NEMF: variants seen among roughly 807,000 people sequenced by gnomAD.
The protein encoded by NEMF is ribosome quality control complex subunit NEMF.
A neutral mutation model predicts 162.2 loss-of-function variants in NEMF; 89 were observed. The observed-to-expected ratio is 0.55, with a 90% confidence interval of 0.46 to 0.65. The LOEUF (loss-of-function observed/expected upper bound fraction) is 0.65, where lower values mean the gene tolerates loss of function less well. NEMF is among the 30% of genes least tolerant of loss of function. The pLI is 0.00. For synonymous variants in NEMF, 421 were observed against 404.5 expected (o/e 1.04, Z -0.49); for missense variants, 1,133 against 1,261.9 (o/e 0.90, Z 1.55).
rs780290298 is a variant in NEMF, at chr14:49,784,854, TAAC to T, written c.3153+68_3153+70del. The T allele has an allele frequency of 8.9e-6, 13 of 1,459,586 alleles. No individual in the cohort carries two copies. The South Asian group carries it at 1.2e-4, about 13-fold the overall frequency. The allele number at this position is 1,459,586 out of a possible 1,614,324, so 90.4% of individuals were successfully genotyped here. ...AATAAGACAGCATTTTCTACTAAAA[TAAC>T]AAAAAACTGCTAACATTTTAAATTG... On this transcript the variant is annotated intron_variant, in intron 32 of 32. Coordinates refer to ENST00000298310, the MANE Select transcript of NEMF (RefSeq NM_004713.6).
At chr14:49,815,874 G>C (rs1161087036) in intron 16 of NEMF, among the ~76,000 whole-genome samples, 4 of 152,134 alleles carry the variant, frequency 2.6e-5, no homozygotes, top group African/African-American at 9.7e-5. Context: ...TAAGGCAAAA[G>C]AATGGGGTGA....
At chr14:49,808,825 T>C (rs546373649) in intron 18 of NEMF, among the ~76,000 whole-genome samples, 1 of 151,896 alleles carries the variant, frequency 6.6e-6, no homozygotes, top group Admixed American at 6.6e-5. Context: ...CTCTTAGAAC[T>C]CAACAGTAAA....
intron 23 of NEMF, among the ~76,000 whole-genome samples, chr14:49,800,166 T>C (rs1004245135): frequency 1.3e-5 from 2 of 152,192 alleles, no homozygotes; most frequent in Admixed American, 1.3e-4. Context: ...GGAATTGCCT[T>C]TGTTATGTTT....
Position 49,829,159 on chromosome 14 carries a change from G to A in NEMF, c.1127C>T (p.Thr376Ile), listed in dbSNP as rs576948878. Residue 376 changes from threonine (T) to isoleucine (I), a missense_variant, in exon 13 of 33, where the codon ACA (threonine) becomes ATA (isoleucine). By Grantham distance (89) the Thr-to-Ile change is moderately conservative. Transcript: ENST00000298310. ...RSALANQIDWTEIGLIVKEAQ... is the reference protein window; with the variant it reads ...RSALANQIDWIEIGLIVKEAQ... ...TTCTTTCACAATTAACCCAATTTCT[G>A]TCCAATCTATCTGGTTAGCTAAAGC... The A allele has an allele frequency of 4.1e-5, 66 of 1,614,096 alleles. No homozygotes were observed. The South Asian group carries it at 6.9e-4, about 17-fold the overall frequency.
At chr14:49,789,062 T>G (rs1449150109) in intron 28 of NEMF, 84 bp downstream of exon 28, 1 of 1,046,980 alleles carries the variant, frequency 9.6e-7, no homozygotes, top group Non-Finnish European at 1.5e-6. Context: ...GTCTTGGTTT[T>G]AGCACTGAAA....
chr14:49,806,252 ATATATTTTTTTT>A lies in NEMF; in HGVS notation c.1745-131_1745-120del, dbSNP rs1259633045. The A allele has an allele frequency of 6.6e-4, 11 of 16,742 alleles. No homozygotes were observed. The East Asian group carries it at 7.9e-3, about 12-fold the overall frequency. The allele number at this position is 16,742 out of a possible 1,614,324, so 1.0% of individuals were successfully genotyped here. On this transcript the variant is annotated intron_variant, in intron 18 of 32. Transcript: ENST00000298310. ...TATGTGTATATATATATATATATAT[ATATATTTTTTTT>A]TTTTTTTTTTTTTTTGAGATGGAGT... is the stretch of plus-strand genomic sequence containing the variant.
At chr14:49,785,057 TTAAAATCA>T in intron 31 of NEMF, 27 bp downstream of exon 31, 4 of 1,606,838 alleles carry the variant, frequency 2.5e-6, no homozygotes, top group Non-Finnish European at 3.4e-6. Flanking sequence ...ACTGAACTGT[TTAAAATCA>T]TAATTCAAAA....
At chr14:49,830,309 C>G (rs1182537418) in intron 11 of NEMF, among the ~76,000 whole-genome samples, 1 of 152,206 alleles carries the variant, frequency 6.6e-6, no homozygotes, top group Non-Finnish European at 1.5e-5. Flanking sequence ...TATAATTCAT[C>G]TGACTGGCCT....
intron 10 of NEMF, 85 bp from the exon 11 acceptor site, chr14:49,831,446 C>A (rs7492655): frequency 3.1e-6 from 2 of 640,642 alleles, no homozygotes; most frequent in African/African-American, 4.0e-5. Context: ...TTTTTTTTTT[C>A]TTTTTTTTTG....
intron 25 of NEMF, among the ~76,000 whole-genome samples, chr14:49,796,628 G>A (rs1308912708): frequency 2.0e-5 from 3 of 152,202 alleles, no homozygotes; most frequent in Non-Finnish European, 2.9e-5. Flanking sequence ...TGGGATTATA[G>A]GCGTGAGCCA....
rs77449098 is a variant in NEMF, at chr14:49,784,750, G to A, written c.3154-37C>T. ...AAATTGCTGAATATCTTCACATCCT[G>A]TATGGTCAATCATGTTTCTTTTATG... On this transcript the variant is annotated intron_variant, in intron 32 of 32. Coordinates refer to ENST00000298310, the MANE Select transcript of NEMF (RefSeq NM_004713.6). 75 of 1,541,564 alleles carry A rather than the reference G, an allele frequency of 4.9e-5. No individual in the cohort carries two copies. In the East Asian group the frequency reaches 7.4e-4, roughly 15 times the overall value.
rs570861365 is a variant in NEMF at position 49,792,711 on chromosome 14, G to A, written c.2619+3080C>T. ...AATAATACAATAGTCTGGGCATGGTGGCTTATGCCTGTTAATTTTAGCACT... is the reference window on the plus strand; with the variant it reads ...AATAATACAATAGTCTGGGCATGGTAGCTTATGCCTGTTAATTTTAGCACT... On this transcript the variant is annotated intron_variant, in intron 26 of 32. Coordinates refer to ENST00000298310, the MANE Select transcript of NEMF (RefSeq NM_004713.6). 2.0e-5 allele frequency among the ~76,000 whole-genome samples: 3 copies of A among 152,302 alleles called. No individual in the cohort carries two copies. The South Asian group carries it at 6.2e-4, about 32-fold the overall frequency.
At chr14:49,830,187 A>T (rs1272144886) in intron 11 of NEMF, among the ~76,000 whole-genome samples, 1 of 152,218 alleles carries the variant, frequency 6.6e-6, no homozygotes, top group East Asian at 1.9e-4. Flanking sequence ...ATGACTATTA[A>T]AACCCACAAA....
At chr14:49,834,579 C>T in intron 6 of NEMF, 130 bp from the exon 7 acceptor site, 1 of 576,212 alleles carries the variant, frequency 1.7e-6, no homozygotes. Context: ...ACTGCAACCT[C>T]TGCCTCCCAC....
chr14:49,819,392 CATATAT>C (rs10596408), intron 16 of NEMF, among the ~76,000 whole-genome samples: 13,932 of 147,090 alleles, frequency 0.095, 1,192 homozygotes, highest in African/African-American at 0.24. Flanking sequence ...TATTATAGAC[CATATAT>C]ATATATATAT....
intron 8 of NEMF, 63 bp downstream of exon 8, chr14:49,833,360 A>C (rs984155473): frequency 2.1e-6 from 2 of 954,722 alleles, no homozygotes; most frequent in Non-Finnish European, 3.2e-6. Context: ...CCTTTAATGA[A>C]CGTTTAATTT....
chr14:49,848,394 T>C (rs564169680), intron 3 of NEMF, among the ~76,000 whole-genome samples: 2 of 152,336 alleles, frequency 1.3e-5, no homozygotes, highest in African/African-American at 4.8e-5. Flanking sequence ...TTAGATTACA[T>C]GTACCGTCTT....
Position 49,802,557 on chromosome 14 carries a change from A to T in NEMF, c.1991T>A (p.Val664Asp). ...SFLFKVDESC[V>D]WRHQGERKVR... ...TTTTCGTTCACCCTGATGTCTCCAA[A>T]CACAAGACTCATCTACCTAAAGAAA... Residue 664 changes from valine (V) to aspartate (D), a missense_variant, in exon 22 of 33, where the codon GTT becomes GAT. Physicochemically the swap from Val to Asp is radical, Grantham distance 152 (BLOSUM62 -3). Transcript: ENST00000298310. 1 of 1,614,000 alleles carries T rather than the reference A, an allele frequency of 6.2e-7. No homozygotes were observed. Among genetic ancestry groups the T allele is most frequent in the South Asian group, 1.1e-5 (1 of 91,058 alleles).
chr14:49,848,972 T>C (rs1893647935), intron 3 of NEMF, among the ~76,000 whole-genome samples: 1 of 152,016 alleles, frequency 6.6e-6, no homozygotes. Context: ...CATAAATTCA[T>C]TATTAAAATT....
Sources: allele counts gnomAD v4.1 joint callset (sites outside exome capture counted in the v4.1 genomes callset), GRCh38; gene constraint gnomAD v4.1.1; transcripts MANE v1.5; gene names NCBI Gene and HGNC (gene_info 2026-07-23, HGNC 2026-07-21).